Variants in UBAP1 observed in about 807,000 individuals in gnomAD.
UBAP1 encodes the protein ubiquitin associated protein 1, also known as ubiquitin-associated protein 1.
Under a neutral mutation model 39.0 loss-of-function variants are expected in UBAP1, and 5 were observed. The observed-to-expected ratio is 0.13, with a 90% CI of 0.07 to 0.27. The LOEUF is 0.27. Ranked by LOEUF, UBAP1 falls within the 10% of genes least tolerant of loss-of-function variation. The pLI, the probability that UBAP1 is intolerant of heterozygous loss-of-function variation, is 1.00. For synonymous variants in UBAP1, 211 were observed against 225.1 expected, an observed-to-expected ratio of 0.94 and a Z score of 0.56; for missense variants, 490 against 608.1, an observed-to-expected ratio of 0.81 and a Z score of 2.04.
At chr9:34,181,142 G>GTT (rs1830007619) in intron 1 of UBAP1, among the ~76,000 whole-genome samples, 1 of 18,510 alleles carries the variant, frequency 5.4e-5, no homozygotes, top group South Asian at 5.0e-3. Context: ...TTGAGACAGA[G>GTT]TTTCGCTCTG....
intron 1 of UBAP1, chr9:34,206,044 T>C (rs1011938465): frequency 3.9e-5 from 6 of 152,262 alleles, no homozygotes; most frequent in Admixed American, 2.6e-4. Flanking sequence ...TTTACAGTAC[T>C]AGTTTATGTA....
intron 2 of UBAP1, among the ~76,000 whole-genome samples, chr9:34,232,907 G>T (rs147261600): frequency 3.5e-4 from 53 of 152,304 alleles, no homozygotes; most frequent in African/African-American, 1.2e-3. Context: ...TCCCAGAGCT[G>T]CTCCAGAAAA....
At chr9:34,227,725 A>G (rs1833177846) in intron 2 of UBAP1, among the ~76,000 whole-genome samples, 1 of 152,240 alleles carries the variant, frequency 6.6e-6, no homozygotes, top group African/African-American at 2.4e-5. Flanking sequence ...CTTAGTGGCT[A>G]TTTAAAAAAT....
chr9:34,210,037 AT>A (rs1831930428), intron 1 of UBAP1, among the ~76,000 whole-genome samples: 1 of 152,136 alleles, frequency 6.6e-6, no homozygotes, highest in South Asian at 2.1e-4. Flanking sequence ...AGTGACTCCA[AT>A]TTTCTTTTTT....
intron 1 of UBAP1, among the ~76,000 whole-genome samples, chr9:34,195,458 C>A (rs76073826): frequency 6.6e-6 from 1 of 152,080 alleles, no homozygotes; most frequent in East Asian, 1.9e-4. Context: ...TATATTTGGA[C>A]CTGTTCTATT....
intron 1 of UBAP1, among the ~76,000 whole-genome samples, chr9:34,181,674 C>G (rs991402344): frequency 6.8e-6 from 1 of 147,954 alleles, no homozygotes; most frequent in Non-Finnish European, 1.5e-5. Flanking sequence ...CCTCGTGATC[C>G]GCCCGCCTTG....
At chr9:34,182,979 C>A (rs1032429992) in intron 1 of UBAP1, among the ~76,000 whole-genome samples, 1 of 151,734 alleles carries the variant, frequency 6.6e-6, no homozygotes, top group Admixed American at 6.6e-5. Flanking sequence ...GAGGTTTCAC[C>A]GTGTTAGCCA....
In UBAP1 at chr9:34,241,624, T is replaced by C. The variant is rs1156822086; in HGVS notation, c.599T>C (p.Leu200Ser). Residue 200 changes from leucine to serine, a missense_variant, in exon 4 of 7, where the codon TTG (leucine) becomes TCG (serine). By Grantham distance (145) the Leu-to-Ser change is moderately radical (BLOSUM62 -2). Around this residue, in one of 3 missense-constraint regions of UBAP1, gnomAD observed 339 missense variants for 390.0 expected, o/e 0.87. Coordinates refer to ENST00000297661, the MANE Select transcript of UBAP1 (RefSeq NM_016525.5). ...PIMAQLLDNN[L>S]PRGGSGSVLQ... The stretch of plus-strand genomic sequence containing the variant: ...ATGGCTCAGTTATTGGACAATAACT[T>C]GCCCAGGGGAGGCTCTGGGTCTGTG... 1 of 1,614,080 alleles carries C rather than the reference T, an allele frequency of 6.2e-7. No individual in the cohort carries two copies. Among genetic ancestry groups the C allele is most frequent in the Non-Finnish European group, 8.5e-7 (1 of 1,179,976 alleles).
In UBAP1 at chr9:34,251,635, T is replaced by C. The variant is rs1834539298; in HGVS notation, c.*103T>C. The C allele has an allele frequency of 7.3e-7, 1 of 1,368,046 alleles. No individual in the cohort carries two copies. 84.7% of individuals were successfully genotyped at this position (1,368,046 alleles called of 1,614,324 possible). ...AAGGGGCAGCTTCCGGATTTTCTTT[T>C]GGGGGTTAGAAGGTCAGGTGTGGAG... On this transcript the variant is annotated 3_prime_UTR_variant, in exon 7 of 7. Transcript: ENST00000297661.
At chr9:34,181,608 A>G (rs1483479519) in intron 1 of UBAP1, among the ~76,000 whole-genome samples, 1 of 119,398 alleles carries the variant, frequency 8.4e-6, no homozygotes, top group Admixed American at 8.7e-5. Flanking sequence ...AATTTTTTGT[A>G]TTTTTAGTAG....
Position 34,251,799 on chromosome 9 carries a change from A to T in UBAP1, c.*267A>T. The T allele has an allele frequency of 2.7e-6, 1 of 368,192 alleles. No homozygotes were observed. Among genetic ancestry groups the T allele is most frequent in the East Asian group, 4.5e-5 (1 of 22,106 alleles). 22.8% of individuals were successfully genotyped at this position (368,192 alleles called of 1,614,324 possible). A position where few individuals can be genotyped will look rare whatever the true frequency, so the allele number is the denominator to read the frequency against. On this transcript the variant is annotated 3_prime_UTR_variant, in exon 7 of 7. Coordinates refer to ENST00000297661, the MANE Select transcript of UBAP1 (RefSeq NM_016525.5). ...TTTTGAGAAGTGTCCTTCCCACTTC[A>T]GCCCTCCGGAGAGACTACCCTAGTC...
chr9:34,215,264 T>C (rs1191416601), intron 1 of UBAP1, among the ~76,000 whole-genome samples: 3 of 152,066 alleles, frequency 2.0e-5, no homozygotes, highest in Non-Finnish European at 4.4e-5. Flanking sequence ...TGTGTATATA[T>C]GTATATATGA....
intron 3 of UBAP1, among the ~76,000 whole-genome samples, chr9:34,235,243 G>A (rs748435249): frequency 1.3e-5 from 2 of 152,054 alleles, no homozygotes; most frequent in East Asian, 3.8e-4. Context: ...AAAAGGCACA[G>A]TAAGTTAGAG....
At chr9:34,224,612 TC>T in intron 2 of UBAP1, 1 of 387,914 alleles carries the variant, frequency 2.6e-6, no homozygotes, top group Non-Finnish European at 4.7e-6. Context: ...GTGTCAGTTC[TC>T]CCGAGAGATG....
At chr9:34,200,490 A>G (rs1394373180) in intron 1 of UBAP1, among the ~76,000 whole-genome samples, 2 of 152,206 alleles carry the variant, frequency 1.3e-5, no homozygotes, top group Non-Finnish European at 1.5e-5. Context: ...TTAAGAGATT[A>G]TGATTAGGAT....
At chr9:34,243,805 A>G (rs535435313) in intron 4 of UBAP1, among the ~76,000 whole-genome samples, 2 of 150,920 alleles carry the variant, frequency 1.3e-5, no homozygotes, top group Admixed American at 6.6e-5. Context: ...AATATTGACT[A>G]TAATCACCCT....
At chr9:34,226,783 G>A (rs138953843) in intron 2 of UBAP1, among the ~76,000 whole-genome samples, 1 of 151,550 alleles carries the variant, frequency 6.6e-6, no homozygotes, top group East Asian at 1.9e-4. Flanking sequence ...CTAACTTCAA[G>A]TCCCAAGTCT....
intron 5 of UBAP1, 93 bp downstream of exon 5, chr9:34,250,054 CA>C: frequency 2.2e-6 from 3 of 1,347,246 alleles, no homozygotes; most frequent in Non-Finnish European, 3.1e-6. Flanking sequence ...CTTGTAGCAC[CA>C]ACCTCCTTTC....
intron 2 of UBAP1, chr9:34,224,614 C>T: frequency 2.6e-6 from 1 of 386,032 alleles, no homozygotes; most frequent in Non-Finnish European, 4.7e-6. Context: ...GTCAGTTCTC[C>T]CGAGAGATGC....
Sources: allele counts gnomAD v4.1 joint callset (sites outside exome capture counted in the v4.1 genomes callset), GRCh38; gene constraint gnomAD v4.1.1; regional missense constraint gnomAD v4.1.1; transcripts MANE v1.5; gene names NCBI Gene and HGNC (gene_info 2026-07-23, HGNC 2026-07-21).